The following OR51B5 variants were observed in gnomAD, a reference collection of about 807,000 sequenced individuals.
OR51B5 encodes olfactory receptor family 51 subfamily B member 5.
For missense variants in OR51B5, 456 were observed against 374.6 expected (o/e 1.22, Z -1.79); for synonymous variants, 186 against 144.8 (o/e 1.28, Z -2.04).
intron 1 of OR51B5, chr11:5,488,842 G>T (rs1473835974): frequency 6.2e-7 from 1 of 1,614,066 alleles, no homozygotes; most frequent in South Asian, 1.1e-5. Flanking sequence ...GGTTGGAAAT[G>T]CTGCCCTCAT....
At chr11:5,382,259 C>T (rs1185117702) in intron 1 of OR51B5, among the ~76,000 whole-genome samples, 1 of 152,194 alleles carries the variant, frequency 6.6e-6, no homozygotes, top group African/African-American at 2.4e-5. Context: ...TTCCTCACCT[C>T]CATGCCCTTG....
chr11:5,484,710 G>T (rs1851475843), intron 1 of OR51B5, among the ~76,000 whole-genome samples: 1 of 152,210 alleles, frequency 6.6e-6, no homozygotes, highest in Non-Finnish European at 1.5e-5. Context: ...GAGGTTAAAT[G>T]ACCTGCCCAA....
chr11:5,390,194 C>T (rs1199956536), intron 1 of OR51B5: 2 of 1,613,946 alleles, frequency 1.2e-6, no homozygotes, highest in Non-Finnish European at 1.7e-6. Context: ...ATTCTTTGTG[C>T]CCATGATGGG....
At chr11:5,493,649 G>A (rs936474156) in intron 1 of OR51B5, among the ~76,000 whole-genome samples, 4 of 152,182 alleles carry the variant, frequency 2.6e-5, no homozygotes, top group Admixed American at 2.0e-4. Context: ...AGTCTCCAAA[G>A]AACTGTGTTG....
intron 1 of OR51B5, among the ~76,000 whole-genome samples, chr11:5,418,334 A>G (rs1277195716): frequency 2.0e-5 from 3 of 152,134 alleles, no homozygotes; most frequent in African/African-American, 7.2e-5. Flanking sequence ...GCAGCGCACC[A>G]GCATGTCACA....
intron 1 of OR51B5, among the ~76,000 whole-genome samples, chr11:5,426,011 A>C (rs1179325960): frequency 1.1e-4 from 16 of 152,230 alleles, no homozygotes; most frequent in African/African-American, 3.4e-4. Flanking sequence ...ACATCCACAC[A>C]ATGCAATATT....
intron 1 of OR51B5, among the ~76,000 whole-genome samples, chr11:5,466,625 T>C (rs1851142161): frequency 6.6e-6 from 1 of 152,238 alleles, no homozygotes; most frequent in East Asian, 1.9e-4. Flanking sequence ...TAACTGTGTA[T>C]AGAATTAGCA....
chr11:5,469,899 C>T (rs1184942469), intron 1 of OR51B5, among the ~76,000 whole-genome samples: 1 of 152,102 alleles, frequency 6.6e-6, no homozygotes, highest in African/African-American at 2.4e-5. Flanking sequence ...ATATTCTAAG[C>T]TGTCTCTCCT....
chr11:5,346,635 G>T (rs1166361786), upstream of OR51B5, among the ~76,000 whole-genome samples: 2 of 152,092 alleles, frequency 1.3e-5, no homozygotes, highest in African/African-American at 4.8e-5. Context: ...GAAGGTCTTA[G>T]GTAGTTGGTT....
At chr11:5,406,022 A>T (rs1350052729) in intron 1 of OR51B5, among the ~76,000 whole-genome samples, 1 of 152,230 alleles carries the variant, frequency 6.6e-6, no homozygotes, top group Non-Finnish European at 1.5e-5. Context: ...TCTGAGTAAC[A>T]TTAGAGTATC....
intron 1 of OR51B5, among the ~76,000 whole-genome samples, chr11:5,401,853 CTGCTTT>C (rs367838540): frequency 0.016 from 210 of 13,324 alleles, no homozygotes; most frequent in South Asian, 0.057. Context: ...TCTTTTTCTT[CTGCTTT>C]TTCTTTTTCC....
At chr11:5,505,212 A>C in intron 1 of OR51B5, 1 of 938,920 alleles carries the variant, frequency 1.1e-6, no homozygotes, top group Non-Finnish European at 1.4e-6. Context: ...TCTTTGGCTC[A>C]AATGGAAGGC....
intron 1 of OR51B5, among the ~76,000 whole-genome samples, chr11:5,504,868 A>C (rs750573569): frequency 2.0e-5 from 3 of 152,132 alleles, no homozygotes; most frequent in Non-Finnish European, 4.4e-5. Flanking sequence ...GAGGCTGATG[A>C]GTTTACTCTT....
intron 1 of OR51B5, among the ~76,000 whole-genome samples, chr11:5,387,550 G>A (rs956984627): frequency 1.3e-5 from 2 of 151,964 alleles, no homozygotes; most frequent in East Asian, 3.8e-4. Flanking sequence ...AAAATTCAAA[G>A]TAGCTTGCGT....
intron 1 of OR51B5, among the ~76,000 whole-genome samples, chr11:5,370,961 G>A (rs770900356): frequency 6.6e-6 from 1 of 152,204 alleles, no homozygotes; most frequent in Non-Finnish European, 1.5e-5. Flanking sequence ...TGAGCAGACA[G>A]AAGGAAGAGA....
chr11:5,422,929 C>T, intron 1 of OR51B5: 9 of 1,614,038 alleles, frequency 5.6e-6, no homozygotes, highest in Non-Finnish European at 7.6e-6. Context: ...TCAATAACTG[C>T]CTGTCCCACA....
chr11:5,398,184 TAAA>T (rs1564799906), intron 1 of OR51B5, among the ~76,000 whole-genome samples: 16 of 56,022 alleles, frequency 2.9e-4, no homozygotes, highest in Admixed American at 2.4e-3. Context: ...ACATGTACCC[TAAA>T]ACTTAAAAGT....
chr11:5,445,921 A>T (rs1425596368), intron 1 of OR51B5, among the ~76,000 whole-genome samples: 1 of 152,122 alleles, frequency 6.6e-6, no homozygotes, highest in Non-Finnish European at 1.5e-5. Context: ...AATCAAATGC[A>T]GCCATAAAAA....
intron 1 of OR51B5, among the ~76,000 whole-genome samples, chr11:5,411,586 C>G (rs1021940100): frequency 1.3e-5 from 2 of 152,250 alleles, no homozygotes; most frequent in African/African-American, 4.8e-5. Context: ...CAAATAATGT[C>G]TCCACCCCTG....
Sources: gnomAD v4.1 joint callset for allele counts (sites outside exome capture counted in the v4.1 genomes callset) on GRCh38, gnomAD v4.1.1 for gene constraint, MANE v1.5 for transcripts, NCBI Gene and HGNC (gene_info 2026-07-23, HGNC 2026-07-21) for gene names.